Variants in EPHA4 observed in about 807,000 individuals in gnomAD.
EPHA4 encodes the protein ephrin type-A receptor 4.
In EPHA4, 19 loss-of-function variants were observed where a neutral mutation model predicts 108.3. The ratio of observed to expected loss-of-function variants is 0.18; its 90% CI spans 0.12 to 0.26. EPHA4 has a LOEUF of 0.26. EPHA4 is among the 10% of genes least tolerant of loss of function. EPHA4 has a pLI of 1.00. For synonymous variants in EPHA4, 449 were observed against 455.5 expected, an observed-to-expected ratio of 0.99 and a Z score of 0.18; for missense variants, 917 against 1,254.0, an observed-to-expected ratio of 0.73 and a Z score of 4.06.
rs1689877143 is a variant in EPHA4 at position 221,425,629 on chromosome 2, T to C, written c.*399A>G. On this transcript the variant is annotated 3_prime_UTR_variant, in exon 17 of 18. Coordinates refer to ENST00000281821, the MANE Select transcript of EPHA4 (RefSeq NM_004438.5). ...CATTCCAGTGAAAGACAGATGACTG[T>C]AATTTATGCCACAAACAAAATACAA... 2 of 169,522 alleles carry C rather than the reference T, an allele frequency of 1.2e-5. No individual in the cohort carries two copies. The highest frequency in any genetic ancestry group is 2.5e-5 in the Non-Finnish European group (2 of 78,998). The allele number at this position is 169,522 out of a possible 1,614,324, so 10.5% of individuals were successfully genotyped here.
At chr2:221,568,373 G>A (rs1329267514) in intron 2 of EPHA4, among the ~76,000 whole-genome samples, 1 of 151,408 alleles carries the variant, frequency 6.6e-6, no homozygotes, top group African/African-American at 2.4e-5. Flanking sequence ...AATTAACCTT[G>A]TCAGGACTTC....
At chr2:221,516,418 G>A (rs942026666) in intron 3 of EPHA4, among the ~76,000 whole-genome samples, 4 of 146,396 alleles carry the variant, frequency 2.7e-5, no homozygotes, top group Non-Finnish European at 4.4e-5. Flanking sequence ...GCAGAGGCAC[G>A]ATCTCGGCTC....
At chr2:221,565,513 T>C (rs1694603656) in intron 2 of EPHA4, among the ~76,000 whole-genome samples, 1 of 152,136 alleles carries the variant, frequency 6.6e-6, no homozygotes, top group African/African-American at 2.4e-5. Context: ...TTTTAAAAAA[T>C]TGTATTCTGT....
At position 221,571,088 on chromosome 2, in the gene EPHA4, C is replaced by T. The variant is rs1471721778; in HGVS notation, c.91+1070G>A. Reference sequence around the variant, plus strand: ...CATCTGCGCACAGACATACAATCCTCCGCGTCCGCTTCCACGCAGGCATTC... The same window carrying T: ...CATCTGCGCACAGACATACAATCCTTCGCGTCCGCTTCCACGCAGGCATTC... On this transcript the variant is annotated intron_variant, in intron 1 of 17. Coordinates refer to ENST00000281821, the MANE Select transcript of EPHA4 (RefSeq NM_004438.5). This position sits in a 1 kb window ranked among gnomAD's most constrained non-coding sequence, Gnocchi z 6.3. 2.0e-5 allele frequency among the ~76,000 whole-genome samples: 3 copies of T among 152,186 alleles called. No individual in the cohort carries two copies. The highest frequency in any genetic ancestry group is 7.2e-5 in the African/African-American group (3 of 41,446).
In EPHA4 at chr2:221,527,846, C is replaced by A. The variant is rs539990492; in HGVS notation, c.824-26674G>T. 3.6e-4 allele frequency among the ~76,000 whole-genome samples: 55 copies of A among 152,134 alleles called. 1 individual carries two copies. In the South Asian group the frequency reaches 0.011, roughly 32 times the overall value. On this transcript the variant is annotated intron_variant, in intron 3 of 17. Transcript: ENST00000281821. Reference sequence around the variant, plus strand: ...ATCTGTCACATGGCTAAGGAACTGTCGGAGCAGGGTGGAGTCCAAGGCAAT... The same window carrying A: ...ATCTGTCACATGGCTAAGGAACTGTAGGAGCAGGGTGGAGTCCAAGGCAAT...
At chr2:221,570,813 C>A (rs1366741041) in intron 1 of EPHA4, among the ~76,000 whole-genome samples, 1 of 150,708 alleles carries the variant, frequency 6.6e-6, no homozygotes, top group Non-Finnish European at 1.5e-5. Context: ...GATGGATGGA[C>A]GGACGGACGG....
Position 221,443,588 on chromosome 2 carries a change from T to C in EPHA4, c.1793A>G (p.Asp598Gly), listed in dbSNP as rs779793006. 1.9e-6 allele frequency: 3 copies of C among 1,613,866 alleles called. No homozygotes were observed. Among genetic ancestry groups the C allele is most frequent in the Non-Finnish European group, 1.7e-6 (2 of 1,179,844 alleles). Residue 598 changes from aspartate (D) to glycine (G), a missense_variant, in exon 10 of 18, where the codon GAC becomes GGC. By Grantham distance (94) the Asp-to-Gly change is moderately conservative. Around this residue, in one of 3 missense-constraint regions of EPHA4, gnomAD observed 758 missense variants for 1,076.7 expected, o/e 0.70. Transcript: ENST00000281821. ...GTTGGGATCTTCGTACGTAAAGGGG[T>C]CCACATATGTTCTTACACCTGAGTG... Reference protein sequence around the residue: ...HLNQGVRTYVDPFTYEDPNQA... With the variant: ...HLNQGVRTYVGPFTYEDPNQA...
intron 1 of EPHA4, among the ~76,000 whole-genome samples, chr2:221,568,991 A>G (rs985991831): frequency 1.3e-5 from 2 of 152,168 alleles, no homozygotes; most frequent in Non-Finnish European, 2.9e-5. Context: ...TATTTATTCA[A>G]CTTGCTTAAC....
At chr2:221,444,744 CTTTTTTTTTTTTTTT>C (rs71266317) in intron 9 of EPHA4, among the ~76,000 whole-genome samples, 1 of 74,982 alleles carries the variant, frequency 1.3e-5, no homozygotes, top group Non-Finnish European at 2.4e-5. Flanking sequence ...TTTTTTCTAT[CTTTTTTTTTTTTTTT>C]TTTTTTTTTT....
At chr2:221,486,915 G>A (rs905142675) in intron 4 of EPHA4, among the ~76,000 whole-genome samples, 4 of 152,192 alleles carry the variant, frequency 2.6e-5, no homozygotes, top group Non-Finnish European at 4.4e-5. Context: ...GTTATGAAGT[G>A]TGTGAACTAT....
intron 8 of EPHA4, among the ~76,000 whole-genome samples, chr2:221,453,068 C>CA (rs1690834976): frequency 5.9e-5 from 9 of 151,598 alleles, no homozygotes; most frequent in Non-Finnish European, 2.9e-5. Flanking sequence ...CCACTTATAC[C>CA]AAAAAACAAA....
At chr2:221,569,706 T>A (rs1302205169) in intron 1 of EPHA4, among the ~76,000 whole-genome samples, 1 of 151,142 alleles carries the variant, frequency 6.6e-6, no homozygotes, top group African/African-American at 2.4e-5. Context: ...AAGGAACCAC[T>A]GGGTTATTAA....
intron 5 of EPHA4, among the ~76,000 whole-genome samples, chr2:221,460,973 G>C (rs1030672369): frequency 2.2e-4 from 34 of 152,092 alleles, no homozygotes; most frequent in Non-Finnish European, 7.4e-5. Flanking sequence ...CCCATTTACT[G>C]GTATCAATGA....
At chr2:221,496,998 G>A (rs1349968695) in intron 4 of EPHA4, among the ~76,000 whole-genome samples, 2 of 152,098 alleles carry the variant, frequency 1.3e-5, no homozygotes, top group Non-Finnish European at 2.9e-5. Context: ...ACTGATGCCT[G>A]AGTCCTACCC....
chr2:221,479,320 G>T (rs1359632081), intron 5 of EPHA4, among the ~76,000 whole-genome samples: 1 of 152,166 alleles, frequency 6.6e-6, no homozygotes, highest in Non-Finnish European at 1.5e-5. Context: ...AGTCTCAAAG[G>T]TGGTGAACAT....
In EPHA4 at chr2:221,453,952, G is replaced by A. The variant is rs1178162555; in HGVS notation, c.1715+1595C>T. The stretch of plus-strand genomic sequence containing the variant: ...AGCACTTTGGGAGGCCGAGGCAGGC[G>A]GATCACTTGAGGTCAGGAGTTTGAG... On this transcript the variant is annotated intron_variant, in intron 8 of 17. Coordinates refer to ENST00000281821, the MANE Select transcript of EPHA4 (RefSeq NM_004438.5). Among the ~76,000 whole-genome samples, 52 of 152,160 alleles carry A rather than the reference G, an allele frequency of 3.4e-4. 1 individual carries two copies. The highest frequency in any genetic ancestry group is 3.2e-3 in the Admixed American group (49 of 15,280).
chr2:221,429,906 G>A lies in EPHA4; in HGVS notation c.2690+52C>T. On this transcript the variant is annotated intron_variant, in intron 15 of 17. Coordinates refer to ENST00000281821, the MANE Select transcript of EPHA4 (RefSeq NM_004438.5). ...AATTTAAGTGAGTCACCACTTGCCT[G>A]CCTCCTCTAATGTGTTCTTTCATAC... is the stretch of plus-strand genomic sequence containing the variant. The A allele has an allele frequency of 2.5e-6, 4 of 1,590,238 alleles. No homozygotes were observed. In the South Asian group the frequency reaches 4.6e-5, roughly 18 times the overall value.
At chr2:221,479,932 T>C (rs1414380014) in intron 5 of EPHA4, among the ~76,000 whole-genome samples, 1 of 152,174 alleles carries the variant, frequency 6.6e-6, no homozygotes, top group Non-Finnish European at 1.5e-5. Context: ...CAAACCTCCT[T>C]GGCAGGACTA....
intron 3 of EPHA4, among the ~76,000 whole-genome samples, chr2:221,505,729 A>G (rs190754676): frequency 6.6e-6 from 1 of 152,276 alleles, no homozygotes; most frequent in East Asian, 1.9e-4. Flanking sequence ...AGTATTAAGT[A>G]TTGCGTGTGT....
Sources: gnomAD v4.1 joint callset for allele counts (sites outside exome capture counted in the v4.1 genomes callset) on GRCh38, gnomAD v4.1.1 for gene constraint, gnomAD v4.1.1 regional missense constraint, Gnocchi (gnomAD v3.1) non-coding constraint, MANE v1.5 for transcripts, NCBI Gene and HGNC (gene_info 2026-07-23, HGNC 2026-07-21) for gene names.